Variants in GPHN observed in about 807,000 individuals in gnomAD.
GPHN encodes gephyrin.
A neutral mutation model predicts 95.5 loss-of-function variants in GPHN; 17 were observed. The ratio of observed to expected loss-of-function variants is 0.18; its 90% confidence interval spans 0.12 to 0.27. The LOEUF (loss-of-function observed/expected upper bound fraction) is 0.27. Among genes scored for constraint, GPHN ranks in the 10% least tolerant of loss-of-function variants. The pLI is 1.00. For synonymous variants in GPHN, 320 were observed against 322.5 expected (o/e 0.99, Z 0.08); for missense variants, 660 against 978.1 (o/e 0.67, Z 4.34).
At chr14:67,578,651 T>C in the GPHN span, 16 of 1,495,780 alleles carry the variant, frequency 1.1e-5, no homozygotes, top group African/African-American at 1.4e-5. The surrounding 1 kb of genome is among the most constrained non-coding windows in gnomAD (Gnocchi z 5.0). Context: ...CCTGGCCGTT[T>C]CCTCTGCCAC....
chr14:66,985,832 A>T (rs1594734121), intron 9 of GPHN: 1 of 602,866 alleles, frequency 1.7e-6, no homozygotes, highest in South Asian at 2.3e-5. Context: ...GGCTTTTTCC[A>T]TTTTTCACCA....
chr14:66,989,375 A>G (rs1328231158), intron 9 of GPHN, among the ~76,000 whole-genome samples: 1 of 151,946 alleles, frequency 6.6e-6, no homozygotes, highest in Non-Finnish European at 1.5e-5. Flanking sequence ...ATGAGAAGTA[A>G]TTTTTCTTTT....
chr14:66,575,605 T>A (rs2060869715), intron 1 of GPHN, among the ~76,000 whole-genome samples: 1 of 152,186 alleles, frequency 6.6e-6, no homozygotes, highest in Non-Finnish European at 1.5e-5. Flanking sequence ...CAGCAGTTTG[T>A]CAGGCCTGGT....
intron 13 of GPHN, 21 bp from the exon 14 acceptor site, chr14:67,110,119 C>CT (rs1567344903): frequency 6.2e-7 from 1 of 1,611,522 alleles, no homozygotes; most frequent in South Asian, 1.1e-5. Context: ...CATCAACTGT[C>CT]TTTTTCATCT....
the GPHN span, among the ~76,000 whole-genome samples, chr14:67,480,890 C>T: frequency 4.6e-5 from 7 of 152,148 alleles, no homozygotes; most frequent in African/African-American, 1.7e-4. Flanking sequence ...TCTTCCCCAA[C>T]CCCAGCAAGT....
chr14:67,658,765 T>C, the GPHN span, among the ~76,000 whole-genome samples: 1 of 152,354 alleles, frequency 6.6e-6, no homozygotes, highest in African/African-American at 2.4e-5. Flanking sequence ...TTCTGTCAGC[T>C]TCTAATCTGT....
the GPHN span, chr14:67,320,435 A>C: frequency 1.6e-5 from 24 of 1,534,414 alleles, no homozygotes; most frequent in Non-Finnish European, 1.9e-5. Flanking sequence ...TGTGCTTTTC[A>C]ATTTACCAGC....
Position 66,864,298 on chromosome 14 carries a change from C to T in GPHN, c.295-15641C>T, listed in dbSNP as rs770129459. On this transcript the variant is annotated intron_variant, in intron 4 of 22. Transcript: ENST00000478722. ...TCACCCCAATTAAATGGCTTTTATC[C>T]GAAAGACAGGGCATAACAAATACTG... Among the ~76,000 whole-genome samples the T allele has an allele frequency of 8.6e-5, 13 of 152,004 alleles. No homozygotes were observed. The South Asian group carries it at 2.1e-3, about 24-fold the overall frequency.
chr14:67,670,825 CGTTT>C, the GPHN span, among the ~76,000 whole-genome samples: 50 of 152,280 alleles, frequency 3.3e-4, no homozygotes, highest in East Asian at 7.7e-3. Context: ...CGTGCCCGGC[CGTTT>C]GTTTCTTTTT....
intron 1 of GPHN, among the ~76,000 whole-genome samples, chr14:66,547,552 A>G: frequency 6.6e-6 from 1 of 152,184 alleles, no homozygotes; most frequent in Non-Finnish European, 1.5e-5. Context: ...ATAGCCCTTT[A>G]GGTTTTATAA....
chr14:67,572,107 G>T, the GPHN span: 48 of 1,594,166 alleles, frequency 3.0e-5, no homozygotes, highest in Non-Finnish European at 4.1e-5. Context: ...TGTGGGACCC[G>T]GGCCTTGACT....
chr14:67,164,085 A>G lies in GPHN; in HGVS notation c.1911-1077A>G, dbSNP rs542826585. On this transcript the variant is annotated intron_variant, in intron 19 of 22. Coordinates refer to ENST00000478722, the MANE Select transcript of GPHN (RefSeq NM_020806.5). Reference sequence around the variant, plus strand: ...GGAGTTCAAGACCAGCCTGACCAACATGGAGAAACCCTGTCTCCACTAAAA... The same window carrying G: ...GGAGTTCAAGACCAGCCTGACCAACGTGGAGAAACCCTGTCTCCACTAAAA... Among the ~76,000 whole-genome samples, 361 of 151,944 alleles carry G rather than the reference A, an allele frequency of 2.4e-3. 4 individuals are homozygous for G. Among genetic ancestry groups the G allele is most frequent in the African/African-American group, 8.2e-3 (340 of 41,436 alleles).
chr14:66,752,813 TA>T (rs1555397905), intron 2 of GPHN, among the ~76,000 whole-genome samples: 3 of 149,238 alleles, frequency 2.0e-5, no homozygotes, highest in South Asian at 2.1e-4. Flanking sequence ...CGAAGCACAA[TA>T]AAAAAATGTG....
chr14:67,387,211 T>C, the GPHN span: 1 of 916,660 alleles, frequency 1.1e-6, no homozygotes, highest in East Asian at 2.9e-5. Context: ...CAGCATTCAC[T>C]CTCCAAAGCA....
the GPHN span, among the ~76,000 whole-genome samples, chr14:67,255,081 G>T: frequency 6.6e-6 from 1 of 152,046 alleles, no homozygotes; most frequent in Non-Finnish European, 1.5e-5. Context: ...CCTGGGAGGC[G>T]GAGGTTGCAG....
the GPHN span, among the ~76,000 whole-genome samples, chr14:67,583,121 A>G: frequency 6.6e-6 from 1 of 152,216 alleles, no homozygotes; most frequent in Non-Finnish European, 1.5e-5. Context: ...AAAATTAAAA[A>G]TTTTTAAAAA....
chr14:67,080,765 C>A (rs974849800), intron 11 of GPHN, among the ~76,000 whole-genome samples: 3 of 152,118 alleles, frequency 2.0e-5, no homozygotes, highest in Non-Finnish European at 4.4e-5. Context: ...CTGCCTCCGA[C>A]CCTTTCCCCC....
At chr14:66,905,477 T>C (rs1055140931) in intron 5 of GPHN, among the ~76,000 whole-genome samples, 7 of 152,116 alleles carry the variant, frequency 4.6e-5, no homozygotes, top group African/African-American at 1.4e-4. Flanking sequence ...TGTTTACTAT[T>C]GTTTCTTTTG....
chr14:67,692,909 G>A, the GPHN span: 194,996 of 1,412,778 alleles, frequency 0.14, 14,313 homozygotes, highest in East Asian at 0.2. Flanking sequence ...AGTAATAGGA[G>A]GGAATTGAAA....
Sources: allele counts gnomAD v4.1 joint callset (sites outside exome capture counted in the v4.1 genomes callset), GRCh38; gene constraint gnomAD v4.1.1; non-coding constraint Gnocchi (gnomAD v3.1); transcripts MANE v1.5; gene names NCBI Gene and HGNC (gene_info 2026-07-23, HGNC 2026-07-21).